Variants in MRPS31 observed in about 807,000 individuals in gnomAD.
MRPS31 encodes the protein small ribosomal subunit protein mS31.
MRPS31 carries 32 observed loss-of-function variants against 43.1 expected under a neutral mutation model. That is an observed-to-expected ratio of 0.74 (90% CI 0.56 to 1.00). The LOEUF is 1.00. Among genes scored for constraint, MRPS31 ranks in the 50% least tolerant of loss-of-function variants. The pLI, the probability that MRPS31 is intolerant of heterozygous loss-of-function variation, is 0.00. For synonymous variants in MRPS31, 165 were observed against 161.6 expected (o/e 1.02, Z -0.16); for missense variants, 437 against 466.7 (o/e 0.94, Z 0.59).
intron 6 of MRPS31, among the ~76,000 whole-genome samples, chr13:40,734,156 T>C: frequency 6.6e-6 from 1 of 152,094 alleles, no homozygotes; most frequent in Admixed American, 6.6e-5. Flanking sequence ...GAAATAAAAC[T>C]ATTTCCAATC....
At chr13:40,754,951 T>G (rs1048449426) in intron 4 of MRPS31, among the ~76,000 whole-genome samples, 5 of 152,228 alleles carry the variant, frequency 3.3e-5, no homozygotes, top group African/African-American at 4.8e-5. Flanking sequence ...GGAGAATCCC[T>G]TGAACCCAGG....
Position 40,729,476 on chromosome 13 carries a change from G to C in MRPS31, c.1084C>G (p.Pro362Ala), listed in dbSNP as rs780545918. The C allele has an allele frequency of 1.9e-6, 3 of 1,612,918 alleles. No homozygotes were observed. Among genetic ancestry groups the C allele is most frequent in the Non-Finnish European group, 2.5e-6 (3 of 1,179,172 alleles). ...ACCTTCTGTTTAACACTAAGATATG[G>C]GTTTTTGGAAAGGCCACAAGTCACC... ...ELVTCGLSKN[P>A]YLSVKQKVEH... The change falls in exon 7 of 7, where the codon CCA becomes GCA. Residue 362 changes from proline to alanine, a missense_variant. Coordinates refer to ENST00000323563, the MANE Select transcript of MRPS31 (RefSeq NM_005830.4).
intron 6 of MRPS31, among the ~76,000 whole-genome samples, chr13:40,748,148 CTTTT>C (rs1311592470): frequency 1.1e-3 from 162 of 152,028 alleles, no homozygotes; most frequent in Non-Finnish European, 1.8e-3. Flanking sequence ...GTAAATGAAT[CTTTT>C]TTTGTTTGTT....
chr13:40,736,212 A>G (rs533176744), intron 6 of MRPS31, among the ~76,000 whole-genome samples: 16 of 152,026 alleles, frequency 1.1e-4, no homozygotes, highest in Non-Finnish European at 1.6e-4. Context: ...GAAATGAAGC[A>G]GGAAGGAAAG....
rs966559400 is a variant in MRPS31, at chr13:40,729,305, T to C, written c.*67A>G. ...TAATCAACATAACATATACAAACTC[T>C]AGTAAAATTATTTTATTTAGTTGTA... On this transcript the variant is annotated 3_prime_UTR_variant, in exon 7 of 7. Transcript: ENST00000323563. 13 of 801,392 alleles carry C rather than the reference T, an allele frequency of 1.6e-5. No homozygotes were observed. The African/African-American group carries it at 1.9e-4, about 12-fold the overall frequency. 49.6% of individuals were successfully genotyped at this position (801,392 alleles called of 1,614,324 possible).
intron 2 of MRPS31, among the ~76,000 whole-genome samples, chr13:40,766,336 A>G (rs1270099258): frequency 6.6e-6 from 1 of 152,176 alleles, no homozygotes; most frequent in African/African-American, 2.4e-5. Context: ...TTGATCCCCC[A>G]GGCTGGAGTG....
intron 2 of MRPS31, among the ~76,000 whole-genome samples, chr13:40,766,440 C>T (rs1880848803): frequency 6.6e-6 from 1 of 152,054 alleles, no homozygotes; most frequent in Non-Finnish European, 1.5e-5. Context: ...ATTACAAGCA[C>T]GCACCACCAT....
chr13:40,750,774 T>TATATATA (rs1880368803), intron 5 of MRPS31, among the ~76,000 whole-genome samples: 1 of 127,976 alleles, frequency 7.8e-6, no homozygotes, highest in African/African-American at 3.1e-5. Context: ...ATATATATAT[T>TATATATA]ACATATATAT....
intron 6 of MRPS31, among the ~76,000 whole-genome samples, chr13:40,730,506 C>A (rs1410001992): frequency 6.6e-6 from 1 of 152,208 alleles, no homozygotes; most frequent in African/African-American, 2.4e-5. Context: ...GCCTGAACAA[C>A]AGAGTGACAC....
Position 40,766,757 on chromosome 13 carries a change from A to G in MRPS31, c.429T>C (p.Ala143=), listed in dbSNP as rs1481732456. Residue 143 remains alanine, a synonymous_variant, in exon 2 of 7, where the codon GCT becomes GCC. Transcript: ENST00000323563. ...ACAATTAAATTTACCTCTTCTTTGG[A>G]GCATATTCTGTAGCTCTTCGAAGCC... The part of the protein sequence containing the change: ...LGRLRRATEY[A]PKKRIEPLSP... 2 of 1,603,526 alleles carry G rather than the reference A, an allele frequency of 1.2e-6. No homozygotes were observed. The highest frequency in any genetic ancestry group is 1.7e-6 in the Non-Finnish European group (2 of 1,176,282).
intron 5 of MRPS31, among the ~76,000 whole-genome samples, chr13:40,752,585 T>C (rs1320332964): frequency 2.6e-5 from 4 of 152,232 alleles, no homozygotes; most frequent in Non-Finnish European, 5.9e-5. Context: ...TCCTATGATC[T>C]GTAAGCCACA....
chr13:40,739,480 A>C (rs1354011605), intron 6 of MRPS31, among the ~76,000 whole-genome samples: 1 of 152,234 alleles, frequency 6.6e-6, no homozygotes, highest in Admixed American at 6.5e-5. Context: ...CACATCGCCA[A>C]GTCAATTCTA....
At chr13:40,761,188 G>A (rs2138014870) in intron 2 of MRPS31, among the ~76,000 whole-genome samples, 1 of 151,594 alleles carries the variant, frequency 6.6e-6, no homozygotes, top group Admixed American at 6.6e-5. Flanking sequence ...GATCACTTGA[G>A]CACAGGAGGT....
chr13:40,740,904 T>C (rs1193689358), intron 6 of MRPS31, among the ~76,000 whole-genome samples: 2 of 149,100 alleles, frequency 1.3e-5, no homozygotes, highest in Non-Finnish European at 3.0e-5. Flanking sequence ...ACCTGCACAA[T>C]GTGCACATGT....
chr13:40,755,012 C>T (rs1350368813), intron 4 of MRPS31, among the ~76,000 whole-genome samples: 2 of 152,042 alleles, frequency 1.3e-5, no homozygotes, highest in Non-Finnish European at 2.9e-5. Flanking sequence ...CCAGGCTGGG[C>T]GATAAGAGCG....
intron 6 of MRPS31, among the ~76,000 whole-genome samples, chr13:40,739,680 C>A (rs921552629): frequency 3.0e-4 from 45 of 151,870 alleles, no homozygotes; most frequent in Admixed American, 3.9e-4. Flanking sequence ...GAAAAACAAG[C>A]AATGGGGAAA....
chr13:40,747,467 A>G (rs1048997763), intron 6 of MRPS31, among the ~76,000 whole-genome samples: 2 of 152,230 alleles, frequency 1.3e-5, no homozygotes, highest in African/African-American at 4.8e-5. Context: ...ACGACTAAAA[A>G]GGCGTTGGTC....
Position 40,729,473 on chromosome 13 carries a change from A to G in MRPS31, c.1087T>C (p.Tyr363His), listed in dbSNP as rs1246875402. ...LVTCGLSKNP[Y>H]LSVKQKVEHI... Reference sequence around the variant, plus strand: ...TCAACCTTCTGTTTAACACTAAGATATGGGTTTTTGGAAAGGCCACAAGTC... The same window carrying G: ...TCAACCTTCTGTTTAACACTAAGATGTGGGTTTTTGGAAAGGCCACAAGTC... Residue 363 changes from tyrosine to histidine, a missense_variant, in exon 7 of 7, where the codon TAT (tyrosine) becomes CAT (histidine). By Grantham distance (83) the Tyr-to-His change is moderately conservative (BLOSUM62 2). Coordinates refer to ENST00000323563, the MANE Select transcript of MRPS31 (RefSeq NM_005830.4). 6.8e-6 allele frequency: 11 copies of G among 1,612,500 alleles called. No homozygotes were observed. The highest frequency in any genetic ancestry group is 9.3e-6 in the Non-Finnish European group (11 of 1,178,734).
intron 2 of MRPS31, among the ~76,000 whole-genome samples, chr13:40,762,190 C>T (rs1026889168): frequency 1.3e-5 from 2 of 151,862 alleles, no homozygotes; most frequent in East Asian, 3.9e-4. Context: ...GGCGATTGTG[C>T]CACTGCACTC....
Sources: allele counts gnomAD v4.1 joint callset (sites outside exome capture counted in the v4.1 genomes callset), GRCh38; gene constraint gnomAD v4.1.1; transcripts MANE v1.5; gene names NCBI Gene and HGNC (gene_info 2026-07-23, HGNC 2026-07-21).